Variants in UTS2 observed in about 807,000 individuals in gnomAD.
The protein encoded by UTS2 is urotensin 2.
UTS2 carries 10 observed loss-of-function variants against 12.6 expected under a neutral mutation model. The observed-to-expected ratio is 0.80, with a 90% confidence interval of 0.49 to 1.35. UTS2 has a LOEUF of 1.35. UTS2 is among the 40% of genes most tolerant of loss of function. The pLI is 0.00. For missense variants in UTS2, 142 were observed against 143.2 expected, an observed-to-expected ratio of 0.99 and a Z score of 0.04; for synonymous variants, 52 against 50.0, an observed-to-expected ratio of 1.04 and a Z score of -0.17.
upstream of UTS2, among the ~76,000 whole-genome samples, chr1:7,858,187 GCTTCTTTC>G (rs1004119706): frequency 6.6e-6 from 1 of 152,186 alleles, no homozygotes; most frequent in Non-Finnish European, 1.5e-5. Flanking sequence ...AAGAAAATTA[GCTTCTTTC>G]CTTCAACAGA....
At chr1:7,884,550 C>T in the UTS2 span, among the ~76,000 whole-genome samples, 2 of 152,152 alleles carry the variant, frequency 1.3e-5, no homozygotes, top group East Asian at 1.9e-4. Context: ...CTCAAGCGAT[C>T]CTCCCATCTT....
chr1:7,900,413 G>A, the UTS2 span, among the ~76,000 whole-genome samples: 18,367 of 151,928 alleles, frequency 0.12, 2,458 homozygotes, highest in East Asian at 0.56. Flanking sequence ...AAGAAAGAAG[G>A]AAAGAAGGAA....
chr1:7,901,169 A>G, the UTS2 span, among the ~76,000 whole-genome samples: 84 of 152,322 alleles, frequency 5.5e-4, no homozygotes, highest in African/African-American at 1.9e-3. Context: ...CTGTTATCGC[A>G]TGGTAAGCTT....
At chr1:7,871,247 G>T in the UTS2 span, among the ~76,000 whole-genome samples, 1 of 152,174 alleles carries the variant, frequency 6.6e-6, no homozygotes, top group African/African-American at 2.4e-5. Flanking sequence ...TTGTGAGATC[G>T]TCCCTGTTCA....
At chr1:7,888,021 G>A in the UTS2 span, among the ~76,000 whole-genome samples, 1 of 152,198 alleles carries the variant, frequency 6.6e-6, no homozygotes, top group Non-Finnish European at 1.5e-5. Flanking sequence ...TCTTGCCTAA[G>A]TGGTCTAAGA....
upstream of UTS2, among the ~76,000 whole-genome samples, chr1:7,857,097 A>AT (rs1183127845): frequency 1.9e-5 from 2 of 106,370 alleles, no homozygotes; most frequent in African/African-American, 7.5e-5. Flanking sequence ...GAAGGAAGGA[A>AT]GAAAAGGAAT....
the UTS2 span, among the ~76,000 whole-genome samples, chr1:7,908,898 C>T: frequency 6.6e-6 from 1 of 151,882 alleles, no homozygotes; most frequent in Admixed American, 6.6e-5. Context: ...CCTCCACCTC[C>T]CAGGTTCAAA....
chr1:7,895,352 AGAGC>A, the UTS2 span, among the ~76,000 whole-genome samples: 1 of 151,078 alleles, frequency 6.6e-6, no homozygotes, highest in Non-Finnish European at 1.5e-5. Context: ...CTGGGTGATA[AGAGC>A]GAGACTCCAT....
chr1:7,904,891 G>T, the UTS2 span, among the ~76,000 whole-genome samples: 2 of 108,848 alleles, frequency 1.8e-5, no homozygotes, highest in African/African-American at 3.7e-5. Flanking sequence ...GTGACAGAGT[G>T]AGACTCTGTC....
the UTS2 span, among the ~76,000 whole-genome samples, chr1:7,894,655 C>A: frequency 1.3e-5 from 2 of 152,102 alleles, no homozygotes; most frequent in Non-Finnish European, 2.9e-5. Context: ...GGCCCATGGA[C>A]CCCACCCTGA....
At position 7,847,858 on chromosome 1, in the gene UTS2, G is replaced by A; in HGVS notation, c.283C>T (p.Pro95Ser). 6.2e-7 allele frequency: 1 copy of A among 1,612,644 alleles called. No individual in the cohort carries two copies. The highest frequency in any genetic ancestry group is 8.5e-7 in the Non-Finnish European group (1 of 1,179,524). ...RKFQDFSGQD[P>S]NILLSHLLAR... ...AAAAGATGACTCAGTAAAATGTTAG[G>A]ATCTTGTCCAGAGAAATCCTGAAAC... Residue 95 changes from proline (P) to serine (S), a missense_variant, in exon 4 of 4, where the codon CCT becomes TCT. Transcript: ENST00000361696.
the UTS2 span, among the ~76,000 whole-genome samples, chr1:7,868,643 C>A: frequency 5.9e-5 from 9 of 152,244 alleles, no homozygotes; most frequent in Admixed American, 5.9e-4. Context: ...AGCAAACAAC[C>A]TAGGTGGCCT....
upstream of UTS2, among the ~76,000 whole-genome samples, chr1:7,857,004 T>G (rs1638324913): frequency 1.3e-5 from 2 of 150,742 alleles, no homozygotes; most frequent in Admixed American, 6.6e-5. Context: ...GGGGTTGCAG[T>G]GAGCCGAGAT....
the UTS2 span, among the ~76,000 whole-genome samples, chr1:7,889,391 G>A: frequency 2.1e-5 from 3 of 144,222 alleles, no homozygotes; most frequent in East Asian, 2.1e-4. Context: ...GCAGTGAGCC[G>A]AGATTGCACC....
the UTS2 span, among the ~76,000 whole-genome samples, chr1:7,869,760 G>A: frequency 9.8e-4 from 149 of 152,326 alleles, no homozygotes; most frequent in African/African-American, 3.4e-3. Context: ...ATAAATATCT[G>A]CTCCGCTTAT....
the UTS2 span, among the ~76,000 whole-genome samples, chr1:7,905,991 G>T: frequency 3.3e-5 from 5 of 152,140 alleles, no homozygotes; most frequent in East Asian, 9.7e-4. Flanking sequence ...CCAGTGGGTG[G>T]GTGGGGGTCG....
chr1:7,867,881 T>C, the UTS2 span, among the ~76,000 whole-genome samples: 3 of 151,894 alleles, frequency 2.0e-5, no homozygotes, highest in Non-Finnish European at 2.9e-5. Context: ...GTCTCAAAAA[T>C]AAATAAATAA....
At chr1:7,909,663 C>G in the UTS2 span, among the ~76,000 whole-genome samples, 1 of 152,026 alleles carries the variant, frequency 6.6e-6, no homozygotes, top group African/African-American at 2.4e-5. Flanking sequence ...CTCTGTCACC[C>G]AGGCTGGAGT....
At chr1:7,872,129 G>A in the UTS2 span, among the ~76,000 whole-genome samples, 3 of 151,684 alleles carry the variant, frequency 2.0e-5, no homozygotes, top group East Asian at 1.9e-4. Flanking sequence ...GTGAAACCCC[G>A]TCTCTACTAA....
Sources: gnomAD v4.1 joint callset for allele counts (sites outside exome capture counted in the v4.1 genomes callset) on GRCh38, gnomAD v4.1.1 for gene constraint, MANE v1.5 for transcripts, NCBI Gene and HGNC (gene_info 2026-07-23, HGNC 2026-07-21) for gene names.